Variants in SAMD12 observed in about 807,000 individuals in gnomAD.
SAMD12 encodes sterile alpha motif domain containing 12, also known as sterile alpha motif domain-containing protein 12.
Under a neutral mutation model 15.0 loss-of-function variants are expected in SAMD12, and 9 were observed. That is an observed-to-expected ratio of 0.60 (90% CI 0.36 to 1.05). The LOEUF (loss-of-function observed/expected upper bound fraction) is 1.05. SAMD12 is among the 50% of genes least tolerant of loss of function. The pLI is 0.01. For missense variants in SAMD12, 230 were observed against 234.2 expected (o/e 0.98, Z 0.12); for synonymous variants, 86 against 90.1 (o/e 0.96, Z 0.25).
At chr8:118,305,253 C>A (rs1815280539) in intron 4 of SAMD12, among the ~76,000 whole-genome samples, 2 of 150,758 alleles carry the variant, frequency 1.3e-5, no homozygotes, top group African/African-American at 4.9e-5. Context: ...CTTTTTTATC[C>A]CAAGTAGAAA....
chr8:118,530,854 T>G (rs766316051), intron 2 of SAMD12, among the ~76,000 whole-genome samples: 1 of 152,210 alleles, frequency 6.6e-6, no homozygotes, highest in African/African-American at 2.4e-5. Flanking sequence ...TAAGTCATTC[T>G]CCCTAGAGAC....
intron 4 of SAMD12, among the ~76,000 whole-genome samples, chr8:118,309,560 A>G (rs1158619428): frequency 6.6e-6 from 1 of 152,176 alleles, no homozygotes; most frequent in African/African-American, 2.4e-5. Flanking sequence ...GTAGATACCC[A>G]GTAGTGGGAT....
rs555987390 is a variant in SAMD12, at chr8:118,266,750, G to T, written c.434-69018C>A. ...GGACAGCCACAGAAAGATAAATACT[G>T]CATGATCTCTCTTATTTGTGGAATT... is the stretch of plus-strand genomic sequence containing the variant. On this transcript the variant is annotated intron_variant, in intron 4 of 4. Transcript: ENST00000409003. Among the ~76,000 whole-genome samples the T allele has an allele frequency of 4.6e-5, 7 of 152,182 alleles. No individual in the cohort carries two copies. In the East Asian group the frequency reaches 1.4e-3, roughly 29 times the overall value.
At chr8:118,344,441 A>C (rs1054190669) in intron 4 of SAMD12, among the ~76,000 whole-genome samples, 8 of 152,242 alleles carry the variant, frequency 5.3e-5, no homozygotes, top group Admixed American at 1.3e-4. Flanking sequence ...AGCCCTTGCA[A>C]CATTGTAAGA....
intron 2 of SAMD12, among the ~76,000 whole-genome samples, chr8:118,532,767 G>A (rs1023953807): frequency 6.6e-6 from 1 of 152,132 alleles, no homozygotes; most frequent in Non-Finnish European, 1.5e-5. Flanking sequence ...TTGTATTTCT[G>A]TGGGATCGGT....
intron 2 of SAMD12, among the ~76,000 whole-genome samples, chr8:118,480,779 C>A (rs907001709): frequency 7.2e-5 from 11 of 152,280 alleles, no homozygotes; most frequent in African/African-American, 2.6e-4. Context: ...CATGTGATGA[C>A]CCTCACCTCT....
At chr8:118,472,690 A>C (rs1823835705) in intron 2 of SAMD12, among the ~76,000 whole-genome samples, 1 of 152,138 alleles carries the variant, frequency 6.6e-6, no homozygotes, top group Non-Finnish European at 1.5e-5. Context: ...AATGTTAAAA[A>C]AATTAAAAAG....
intron 2 of SAMD12, among the ~76,000 whole-genome samples, chr8:118,445,870 GT>G (rs756443091): frequency 2.8e-4 from 42 of 152,218 alleles, no homozygotes; most frequent in Middle Eastern, 6.8e-3. Context: ...TTTTTCGTCT[GT>G]TCTGCACAGG....
At chr8:118,165,335 T>C in the SAMD12 span, among the ~76,000 whole-genome samples, 4 of 151,950 alleles carry the variant, frequency 2.6e-5, no homozygotes, top group Non-Finnish European at 4.4e-5. Context: ...AAGAGATGCA[T>C]TGGGAGAGGT....
chr8:118,301,828 T>C (rs932957064), intron 4 of SAMD12, among the ~76,000 whole-genome samples: 1 of 152,196 alleles, frequency 6.6e-6, no homozygotes, highest in Non-Finnish European at 1.5e-5. Context: ...TAATTCTTTA[T>C]GTTATTCTTA....
At chr8:118,355,089 G>A (rs1018459128) in intron 4 of SAMD12, among the ~76,000 whole-genome samples, 3 of 152,192 alleles carry the variant, frequency 2.0e-5, no homozygotes, top group African/African-American at 7.2e-5. Context: ...ACTTGCACAT[G>A]CATGCTTAGA....
chr8:118,322,280 T>G (rs978106142), intron 4 of SAMD12, among the ~76,000 whole-genome samples: 1 of 152,248 alleles, frequency 6.6e-6, no homozygotes. Flanking sequence ...GGTTCTTATG[T>G]CTGTAGTGGG....
chr8:118,579,257 A>G (rs1322082848), intron 2 of SAMD12, among the ~76,000 whole-genome samples: 2 of 152,172 alleles, frequency 1.3e-5, no homozygotes, highest in African/African-American at 4.8e-5. Context: ...TATCTCACTC[A>G]TAGAAAGTCT....
In SAMD12 at chr8:118,378,686, T is replaced by A; in HGVS notation, c.*731A>T. ...AAGGCTCTCAAAAACACATATTTTATCATCCTTTCATTTAAAACGATGTAC... is the reference window on the plus strand; with the variant it reads ...AAGGCTCTCAAAAACACATATTTTAACATCCTTTCATTTAAAACGATGTAC... On this transcript the variant is annotated 3_prime_UTR_variant, in exon 4 of 4. Transcript: ENST00000314727. The A allele has an allele frequency of 8.1e-6, 8 of 984,882 alleles. No individual in the cohort carries two copies. Among genetic ancestry groups the A allele is most frequent in the Non-Finnish European group, 9.6e-6 (8 of 829,464 alleles). 61.0% of individuals were successfully genotyped at this position (984,882 alleles called of 1,614,324 possible). A position where few individuals can be genotyped will look rare whatever the true frequency, so the allele number is the denominator to read the frequency against.
chr8:118,365,450 A>T (rs1818715062), intron 4 of SAMD12, among the ~76,000 whole-genome samples: 1 of 152,174 alleles, frequency 6.6e-6, no homozygotes, highest in South Asian at 2.1e-4. Flanking sequence ...GAAACAAAAA[A>T]GTGGAGAAGG....
intron 4 of SAMD12, among the ~76,000 whole-genome samples, chr8:118,252,968 G>A (rs35915802): frequency 6.0e-4 from 92 of 152,296 alleles, no homozygotes; most frequent in Non-Finnish European, 1.2e-3. Flanking sequence ...TGGTACCACT[G>A]CTGAGAAGTG....
chr8:118,134,916 C>T, the SAMD12 span, among the ~76,000 whole-genome samples: 2 of 152,154 alleles, frequency 1.3e-5, no homozygotes, highest in African/African-American at 4.8e-5. Flanking sequence ...CTTTACTGTG[C>T]TCATGAATCA....
At chr8:118,263,638 T>G (rs1226699552) in intron 4 of SAMD12, among the ~76,000 whole-genome samples, 3 of 152,090 alleles carry the variant, frequency 2.0e-5, no homozygotes, top group African/African-American at 7.2e-5. Flanking sequence ...TCTAGAATGT[T>G]AAGAATTCCA....
At chr8:118,202,874 A>G (rs1399396766) in intron 4 of SAMD12, among the ~76,000 whole-genome samples, 1 of 152,246 alleles carries the variant, frequency 6.6e-6, no homozygotes, top group African/African-American at 2.4e-5. Context: ...TGGTTGCCCC[A>G]GCAGAATAGC....
Sources: allele counts gnomAD v4.1 joint callset (sites outside exome capture counted in the v4.1 genomes callset), GRCh38; gene constraint gnomAD v4.1.1; transcripts MANE v1.5; gene names NCBI Gene and HGNC (gene_info 2026-07-23, HGNC 2026-07-21).